The following SYNPR variants were observed in gnomAD, a reference collection of about 807,000 sequenced individuals.
The protein encoded by SYNPR is synaptoporin.
Under a neutral mutation model 32.9 loss-of-function variants are expected in SYNPR, and 23 were observed. That is an observed-to-expected ratio of 0.70 (90% CI 0.50 to 0.99). SYNPR has a LOEUF of 0.99. Ranked by LOEUF, SYNPR falls within the 50% of genes least tolerant of loss-of-function variation. The probability of loss-of-function intolerance (pLI) is 0.00; values close to 1 mark genes in which losing one functional copy is unlikely to be tolerated. For missense variants in SYNPR, 318 were observed against 349.3 expected (o/e 0.91, Z 0.71); for synonymous variants, 146 against 135.9 (o/e 1.07, Z -0.52).
At chr3:63,320,367 T>A (rs1439912485) in intron 2 of SYNPR, among the ~76,000 whole-genome samples, 1 of 152,070 alleles carries the variant, frequency 6.6e-6, no homozygotes, top group East Asian at 1.9e-4. Flanking sequence ...AAGAACAGAA[T>A]CATTTTATGG....
chr3:63,348,492 C>G (rs1038982217), intron 2 of SYNPR, among the ~76,000 whole-genome samples: 1 of 152,126 alleles, frequency 6.6e-6, no homozygotes, highest in Non-Finnish European at 1.5e-5. Context: ...TGTGTTCACT[C>G]TGTTGCTTAT....
chr3:63,595,841 ATAGTTTTATATATATATAGT>A lies in SYNPR; in HGVS notation c.409-13281_409-13262del, dbSNP rs1559546425. On this transcript the variant is annotated intron_variant, in intron 4 of 5. Transcript: ENST00000478300. ...GTTTTATATATATATAGTTATATAT[ATAGTTTTATATATATATAGT>A]TATATATATATAATTTTATATATAT... Among the ~76,000 whole-genome samples the A allele has an allele frequency of 1.3e-4, 10 of 76,686 alleles. No individual in the cohort carries two copies. In the East Asian group the frequency reaches 2.4e-3, roughly 18 times the overall value. The allele number at this position is 76,686 out of a possible 152,430, so 50.3% of individuals were successfully genotyped here.
intron 3 of SYNPR, among the ~76,000 whole-genome samples, chr3:63,519,196 A>T (rs80279931): frequency 0.13 from 19,553 of 152,108 alleles, 1,686 homozygotes; most frequent in East Asian, 0.36. Context: ...ATCGATGTTC[A>T]TCAGGGATAT....
chr3:63,280,215 A>T (rs1199378152), intron 2 of SYNPR, among the ~76,000 whole-genome samples: 1 of 152,214 alleles, frequency 6.6e-6, no homozygotes, highest in African/African-American at 2.4e-5. Flanking sequence ...ATACTGTGGC[A>T]ACATGATTTT....
In SYNPR at chr3:63,441,956, G is replaced by A. The variant is rs138910422; in HGVS notation, c.85-38876G>A. On this transcript the variant is annotated intron_variant, in intron 2 of 5. Coordinates refer to ENST00000478300, the MANE Select transcript of SYNPR (RefSeq NM_001130003.2). ...CATAAGTGTAGCCATTTTACAAAGGGGAAACCAAGGCTCAGGCGCAGGCCA... is the reference window on the plus strand; with the variant it reads ...CATAAGTGTAGCCATTTTACAAAGGAGAAACCAAGGCTCAGGCGCAGGCCA... 2.9e-4 allele frequency among the ~76,000 whole-genome samples: 44 copies of A among 152,288 alleles called. No individual in the cohort carries two copies. The East Asian group carries it at 8.3e-3, about 29-fold the overall frequency.
At chr3:63,443,933 G>A (rs906748371) in intron 2 of SYNPR, among the ~76,000 whole-genome samples, 1 of 152,154 alleles carries the variant, frequency 6.6e-6, no homozygotes, top group African/African-American at 2.4e-5. Flanking sequence ...GCTGAAAGGT[G>A]CTAGTTTTAT....
intron 2 of SYNPR, among the ~76,000 whole-genome samples, chr3:63,356,564 C>T (rs1165528163): frequency 6.6e-6 from 1 of 152,180 alleles, no homozygotes; most frequent in African/African-American, 2.4e-5. Context: ...TGGTGTCTTC[C>T]CTGAATCCCA....
chr3:63,561,264 T>C (rs1015935872), intron 4 of SYNPR: 2 of 152,174 alleles, frequency 1.3e-5, no homozygotes, highest in Admixed American at 6.5e-5. Flanking sequence ...CCGATATTGA[T>C]TGGGTTTCTA....
At chr3:63,380,151 T>C (rs147086189) in intron 2 of SYNPR, among the ~76,000 whole-genome samples, 215 of 152,294 alleles carry the variant, frequency 1.4e-3, no homozygotes, top group African/African-American at 4.9e-3. Flanking sequence ...TAAACATACA[T>C]CCGCATGTGT....
At chr3:63,427,601 T>A (rs6808191) in intron 2 of SYNPR, 22,640 of 152,166 alleles carry the variant, frequency 0.15, 2,981 homozygotes, top group East Asian at 0.44. Flanking sequence ...GACAGAAGCT[T>A]CGTATTTAAC....
chr3:63,582,369 G>A (rs975363357), intron 4 of SYNPR, among the ~76,000 whole-genome samples: 1 of 151,858 alleles, frequency 6.6e-6, no homozygotes, highest in Non-Finnish European at 1.5e-5. Context: ...ACACAATATG[G>A]CATATAATCA....
intron 2 of SYNPR, chr3:63,445,663 A>ATTT (rs1211272579): frequency 1.7e-6 from 1 of 578,776 alleles, no homozygotes; most frequent in Non-Finnish European, 3.1e-6. Context: ...TATGAGGGCC[A>ATTT]TAACATTACC....
Position 63,511,603 on chromosome 3 carries a change from A to G in SYNPR, c.209+30647A>G, listed in dbSNP as rs565813344. On this transcript the variant is annotated intron_variant, in intron 3 of 5. Transcript: ENST00000478300. Reference sequence around the variant, plus strand: ...ATGTGGACCTGGACCGGAAGATATCAGGCCTACAAAGGCGAGCCAGTAAGT... The same window carrying G: ...ATGTGGACCTGGACCGGAAGATATCGGGCCTACAAAGGCGAGCCAGTAAGT... 3.3e-5 allele frequency among the ~76,000 whole-genome samples: 5 copies of G among 152,286 alleles called. No homozygotes were observed. The South Asian group carries it at 1.0e-3, about 32-fold the overall frequency.
At chr3:63,326,631 C>A (rs1217095610) in intron 2 of SYNPR, among the ~76,000 whole-genome samples, 1 of 152,090 alleles carries the variant, frequency 6.6e-6, no homozygotes, top group Non-Finnish European at 1.5e-5. Flanking sequence ...AGCCCAGAAG[C>A]CAGATGCTGG....
chr3:63,294,181 G>T (rs566621835), intron 2 of SYNPR, among the ~76,000 whole-genome samples: 1 of 152,178 alleles, frequency 6.6e-6, no homozygotes, highest in East Asian at 1.9e-4. Context: ...TTCAAAACCT[G>T]CAAGGAATTC....
chr3:63,359,967 G>A (rs2087634560), intron 2 of SYNPR, among the ~76,000 whole-genome samples: 1 of 152,094 alleles, frequency 6.6e-6, no homozygotes, highest in Middle Eastern at 3.2e-3. Context: ...CAGCCCTAGT[G>A]GTTTATCAAG....
intron 3 of SYNPR, among the ~76,000 whole-genome samples, chr3:63,490,363 G>A (rs945321154): frequency 6.6e-6 from 1 of 152,070 alleles, no homozygotes; most frequent in Non-Finnish European, 1.5e-5. Flanking sequence ...TGGATTTGAT[G>A]TTGAGTGAAA....
At chr3:63,293,688 C>G (rs950152722) in intron 2 of SYNPR, among the ~76,000 whole-genome samples, 1 of 152,142 alleles carries the variant, frequency 6.6e-6, no homozygotes, top group Non-Finnish European at 1.5e-5. Flanking sequence ...TTTCATGCCT[C>G]TCTGTAACTT....
intron 2 of SYNPR, among the ~76,000 whole-genome samples, chr3:63,422,979 C>T (rs1265230163): frequency 6.6e-6 from 1 of 152,112 alleles, no homozygotes; most frequent in Non-Finnish European, 1.5e-5. Flanking sequence ...ATAAAGTGGT[C>T]TTTATATATC....
Sources: gnomAD v4.1 joint callset for allele counts (sites outside exome capture counted in the v4.1 genomes callset) on GRCh38, gnomAD v4.1.1 for gene constraint, MANE v1.5 for transcripts, NCBI Gene and HGNC (gene_info 2026-07-23, HGNC 2026-07-21) for gene names.